Variants in LNX2 observed in about 807,000 individuals in gnomAD.
The protein encoded by LNX2 is ligand of numb-protein X 2.
LNX2 carries 35 observed loss-of-function variants against 66.2 expected under a neutral mutation model. That is an observed-to-expected ratio of 0.53 (90% CI 0.40 to 0.70). The LOEUF (loss-of-function observed/expected upper bound fraction) is 0.70, where lower values mean the gene tolerates loss of function less well. Among genes scored for constraint, LNX2 ranks in the 30% least tolerant of loss-of-function variants. The pLI is 0.00. For synonymous variants in LNX2, 337 were observed against 315.6 expected, an observed-to-expected ratio of 1.07 and a Z score of -0.72; for missense variants, 791 against 850.8, an observed-to-expected ratio of 0.93 and a Z score of 0.87.
At chr13:27,609,361 G>C (rs1023395507) in intron 1 of LNX2, among the ~76,000 whole-genome samples, 1 of 151,726 alleles carries the variant, frequency 6.6e-6, no homozygotes, top group Non-Finnish European at 1.5e-5. Context: ...ATTATATGTT[G>C]GCCAGGCTGG....
At chr13:27,603,234 G>T (rs1170930788) in intron 1 of LNX2, among the ~76,000 whole-genome samples, 1 of 152,058 alleles carries the variant, frequency 6.6e-6, no homozygotes, top group Non-Finnish European at 1.5e-5. Context: ...TGTTAAAAAA[G>T]AACACTGTCA....
At chr13:27,597,694 A>G (rs759730802) in intron 1 of LNX2, among the ~76,000 whole-genome samples, 1 of 152,106 alleles carries the variant, frequency 6.6e-6, no homozygotes, top group South Asian at 2.1e-4. Flanking sequence ...TGGTAATGAG[A>G]GCTTGAATTA....
intron 1 of LNX2, among the ~76,000 whole-genome samples, chr13:27,583,255 T>TGTGTGCGCGCGCGCGCGCGC (rs1555268514): frequency 3.4e-5 from 2 of 58,530 alleles, no homozygotes; most frequent in Non-Finnish European, 6.4e-5. Flanking sequence ...TGTGTGTGTG[T>TGTGTGCGCGCGCGCGCGCGC]GCGCGCGTCC....
intron 5 of LNX2, among the ~76,000 whole-genome samples, chr13:27,561,602 A>C (rs1029968227): frequency 6.6e-6 from 1 of 152,222 alleles, no homozygotes; most frequent in African/African-American, 2.4e-5. Flanking sequence ...TATAGTCTTA[A>C]ATTTTCATTG....
At chr13:27,569,954 T>C (rs1191513913) in intron 2 of LNX2, among the ~76,000 whole-genome samples, 1 of 152,134 alleles carries the variant, frequency 6.6e-6, no homozygotes, top group Non-Finnish European at 1.5e-5. Context: ...CACCCAGAAA[T>C]CACAACCGTT....
intron 4 of LNX2, among the ~76,000 whole-genome samples, chr13:27,564,478 T>C (rs900711681): frequency 1.3e-5 from 2 of 152,186 alleles, no homozygotes; most frequent in Non-Finnish European, 2.9e-5. Flanking sequence ...CTAAGTTATA[T>C]TACTTTTATT....
rs1478868402 is a variant in LNX2, at chr13:27,548,256, C to T, written c.*79G>A. On this transcript the variant is annotated 3_prime_UTR_variant, in exon 10 of 10. Coordinates refer to ENST00000316334, the MANE Select transcript of LNX2 (RefSeq NM_153371.4). ...AGCAGTGTCAGCAGCTCCTAAACCA[C>T]AAACACAATGAAACCAAAGGGTTTT... 3 of 1,467,634 alleles carry T rather than the reference C, an allele frequency of 2.0e-6. No homozygotes were observed. Among genetic ancestry groups the T allele is most frequent in the Non-Finnish European group, 2.8e-6 (3 of 1,070,258 alleles). 90.9% of individuals were successfully genotyped at this position (1,467,634 alleles called of 1,614,324 possible).
At chr13:27,608,675 T>C (rs1282909267) in intron 1 of LNX2, among the ~76,000 whole-genome samples, 2 of 152,206 alleles carry the variant, frequency 1.3e-5, no homozygotes, top group African/African-American at 2.4e-5. Flanking sequence ...TTCTTTAAAA[T>C]TGAGATATTG....
rs201989948 is a variant in LNX2 at position 27,569,100 on chromosome 13, G to A, written c.584C>T (p.Ala195Val). The stretch of plus-strand genomic sequence containing the variant: ...CTCCTCACTCCATGTGGAAAGAGAC[G>A]CTGATGTCAAGTGCCGCTCCACAGG... ...AVPVERHLTS[A>V]SLSTWSEEPG... is the part of the protein sequence containing the mutation. The change falls in exon 3 of 10, where the codon GCG becomes GTG. Residue 195 changes from alanine (A) to valine (V), a missense_variant. Physicochemically the swap from Ala to Val is moderately conservative, Grantham distance 64 (BLOSUM62 0). Coordinates refer to ENST00000316334, the MANE Select transcript of LNX2 (RefSeq NM_153371.4). The A allele has an allele frequency of 1.5e-5, 25 of 1,613,330 alleles. No individual in the cohort carries two copies. The highest frequency in any genetic ancestry group is 4.5e-5 in the East Asian group (2 of 44,864).
intron 5 of LNX2, among the ~76,000 whole-genome samples, chr13:27,561,009 T>TA (rs964196920): frequency 3.9e-5 from 6 of 152,228 alleles, no homozygotes; most frequent in Non-Finnish European, 8.8e-5. Flanking sequence ...TGTTATTTTT[T>TA]AAAATCCAAA....
chr13:27,584,361 G>C (rs1955459728), intron 1 of LNX2, among the ~76,000 whole-genome samples: 1 of 151,014 alleles, frequency 6.6e-6, no homozygotes. Flanking sequence ...GACTAGCCTG[G>C]GCAATATGGT....
chr13:27,617,134 A>C (rs557695590), intron 1 of LNX2, among the ~76,000 whole-genome samples: 92 of 152,220 alleles, frequency 6.0e-4, no homozygotes, highest in Non-Finnish European at 1.2e-3. Context: ...TAACTTATTA[A>C]CCACAGATTT....
intron 5 of LNX2, 152 bp from the exon 6 acceptor site, chr13:27,560,137 A>T: frequency 3.8e-6 from 2 of 532,500 alleles, no homozygotes; most frequent in Admixed American, 7.8e-5. Context: ...AAGAGGAATG[A>T]GTTCATTTCA....
intron 1 of LNX2, among the ~76,000 whole-genome samples, chr13:27,601,409 A>C (rs1955656938): frequency 6.6e-6 from 1 of 152,216 alleles, no homozygotes; most frequent in African/African-American, 2.4e-5. Flanking sequence ...ATGATTTATA[A>C]CACCCTATCT....
At chr13:27,569,422 C>T in intron 2 of LNX2, 146 bp from the exon 3 acceptor site, 1 of 761,122 alleles carries the variant, frequency 1.3e-6, no homozygotes, top group Non-Finnish European at 2.1e-6. Flanking sequence ...TCCTAATCTC[C>T]ACTCACACTA....
At chr13:27,614,174 G>A (rs147109715) in intron 1 of LNX2, among the ~76,000 whole-genome samples, 1 of 152,284 alleles carries the variant, frequency 6.6e-6, no homozygotes, top group African/African-American at 2.4e-5. Context: ...CCTTTGTAAA[G>A]CTAATGAGGG....
intron 9 of LNX2, among the ~76,000 whole-genome samples, chr13:27,549,131 T>C (rs1256804428): frequency 6.6e-6 from 1 of 152,202 alleles, no homozygotes; most frequent in Non-Finnish European, 1.5e-5. Flanking sequence ...GAGTGATTAA[T>C]TCATTTTTCC....
chr13:27,609,599 G>C (rs552706896), intron 1 of LNX2, among the ~76,000 whole-genome samples: 8 of 152,284 alleles, frequency 5.3e-5, no homozygotes, highest in Admixed American at 2.0e-4. Context: ...ATCACATTTA[G>C]AAAGACTAAA....
intron 1 of LNX2, among the ~76,000 whole-genome samples, chr13:27,610,263 T>C (rs1045004015): frequency 2.0e-5 from 3 of 152,244 alleles, no homozygotes; most frequent in African/African-American, 7.2e-5. Context: ...TATCGACTGT[T>C]TCCAAATTGG....
Sources: allele counts gnomAD v4.1 joint callset (sites outside exome capture counted in the v4.1 genomes callset), GRCh38; gene constraint gnomAD v4.1.1; transcripts MANE v1.5; gene names NCBI Gene and HGNC (gene_info 2026-07-23, HGNC 2026-07-21).